The following NHEJ1 variants were observed in gnomAD, a reference collection of about 807,000 sequenced individuals.
The protein encoded by NHEJ1 is non-homologous end joining factor 1, also known as non-homologous end-joining factor 1.
In NHEJ1, 22 loss-of-function variants were observed where a neutral mutation model predicts 39.4. That is an observed-to-expected ratio of 0.56 (90% CI 0.40 to 0.80). NHEJ1 has a LOEUF of 0.80. Ranked by LOEUF, NHEJ1 falls within the 30% of genes least tolerant of loss-of-function variation. The pLI, the probability that NHEJ1 is intolerant of heterozygous loss-of-function variation, is 0.00. For synonymous variants in NHEJ1, 154 were observed against 135.6 expected, an observed-to-expected ratio of 1.14 and a Z score of -0.94; for missense variants, 329 against 357.1, an observed-to-expected ratio of 0.92 and a Z score of 0.63.
intron 5 of NHEJ1, among the ~76,000 whole-genome samples, chr2:219,099,938 C>T (rs1949240986): frequency 1.3e-5 from 2 of 152,036 alleles, no homozygotes. Flanking sequence ...GAAAAGAGGA[C>T]AGAATGGGGA....
chr2:219,109,239 G>T, intron 5 of NHEJ1, among the ~76,000 whole-genome samples: 1 of 151,356 alleles, frequency 6.6e-6, no homozygotes, highest in East Asian at 1.9e-4. Flanking sequence ...TAATATGCCA[G>T]GGATTCTGGT....
At chr2:219,087,526 A>C (rs75262546) in intron 5 of NHEJ1, among the ~76,000 whole-genome samples, 137 of 152,290 alleles carry the variant, frequency 9.0e-4, no homozygotes, top group South Asian at 3.9e-3. Context: ...CACGCTTGAC[A>C]GCTGGGAACA....
chr2:219,138,618 G>T (rs1949660836), intron 5 of NHEJ1, among the ~76,000 whole-genome samples: 1 of 152,220 alleles, frequency 6.6e-6, no homozygotes, highest in African/African-American at 2.4e-5. Context: ...CTTTGTCCTT[G>T]TTGAGCTTAC....
intron 5 of NHEJ1, among the ~76,000 whole-genome samples, chr2:219,114,799 T>A (rs376174076): frequency 6.6e-6 from 1 of 152,148 alleles, no homozygotes. Flanking sequence ...ATTTCAAGCA[T>A]GCTAGGAAGC....
intron 5 of NHEJ1, among the ~76,000 whole-genome samples, chr2:219,100,138 A>G (rs1949243183): frequency 6.6e-6 from 1 of 152,236 alleles, no homozygotes; most frequent in Non-Finnish European, 1.5e-5. Context: ...CACAATAGTC[A>G]GGAATCACTC....
chr2:219,112,398 C>T (rs530666417), intron 5 of NHEJ1, among the ~76,000 whole-genome samples: 3 of 152,104 alleles, frequency 2.0e-5, no homozygotes, highest in Non-Finnish European at 2.9e-5. Context: ...ATAAATATCA[C>T]GCATATATAA....
chr2:219,089,580 C>A (rs892474085), intron 5 of NHEJ1, among the ~76,000 whole-genome samples: 1 of 152,062 alleles, frequency 6.6e-6, no homozygotes, highest in African/African-American at 2.4e-5. Flanking sequence ...GGATAGGAGA[C>A]AGGGTGAATG....
Position 219,076,145 on chromosome 2 carries a change from C to T in NHEJ1, c.*236G>A, listed in dbSNP as rs1023757264. The T allele has an allele frequency of 1.3e-5, 11 of 851,688 alleles. No homozygotes were observed. The Admixed American group carries it at 1.7e-4, about 13-fold the overall frequency. The allele number at this position is 851,688 out of a possible 1,614,324, so 52.8% of individuals were successfully genotyped here. The stretch of plus-strand genomic sequence containing the variant: ...AGTCCATGGTAGAAACCTGAACCTA[C>T]AGAACCTCCACCAAAAGAGAGGAGA... On this transcript the variant is annotated 3_prime_UTR_variant, in exon 8 of 8. Coordinates refer to ENST00000356853, the MANE Select transcript of NHEJ1 (RefSeq NM_024782.3).
intron 5 of NHEJ1, among the ~76,000 whole-genome samples, chr2:219,079,097 G>A (rs2106320724): frequency 6.6e-6 from 1 of 152,328 alleles, no homozygotes; most frequent in South Asian, 2.1e-4. Flanking sequence ...TTGCCTAGTT[G>A]TAGTTTCATA....
rs758190569 is a variant in NHEJ1, at chr2:219,157,597, G to A, written c.265C>T (p.His89Tyr). The A allele has an allele frequency of 2.5e-6, 4 of 1,614,054 alleles. No individual in the cohort carries two copies. Among genetic ancestry groups the A allele is most frequent in the African/African-American group, 2.7e-5 (2 of 74,928 alleles). The change falls in exon 3 of 8, where the codon CAC becomes TAC. Residue 89 changes from histidine (H) to tyrosine (Y), a missense_variant. Coordinates refer to ENST00000356853, the MANE Select transcript of NHEJ1 (RefSeq NM_024782.3). ...CAGGAGAAGGTAGCTTCGCTAGGGT[G>A]AGCAGCGTCCTTCAACAATGGGCGA... ...LLRPLLKDAA[H>Y]PSEATFSCDC... is the part of the protein sequence containing the mutation.
chr2:219,075,312 A>T lies in NHEJ1; in HGVS notation c.*1069T>A, dbSNP rs916771053. 1.3e-5 allele frequency: 2 copies of T among 152,176 alleles called. No homozygotes were observed. The highest frequency in any genetic ancestry group is 4.8e-5 in the African/African-American group (2 of 41,434). 9.4% of individuals were successfully genotyped at this position (152,176 alleles called of 1,614,324 possible). ...ATACATTAACTGCTCAATAAATGTT[A>T]GCTATTTATTATTGTTGTTCTTATT... is the stretch of plus-strand genomic sequence containing the variant. On this transcript the variant is annotated 3_prime_UTR_variant, in exon 8 of 8. Transcript: ENST00000356853.
rs1399919533 is a variant in NHEJ1 at position 219,070,617 on chromosome 2, G to A, written c.*5764C>T. Among the ~76,000 whole-genome samples, 5 of 152,006 alleles carry A rather than the reference G, an allele frequency of 3.3e-5. No individual in the cohort carries two copies. In the South Asian group the frequency reaches 6.2e-4, roughly 19 times the overall value. On this transcript the variant is annotated 3_prime_UTR_variant, in exon 8 of 8. Transcript: ENST00000356853. Reference sequence around the variant, plus strand: ...CTCCCAAAGTGCTGGGATTACAGGCGTAAGCCATGGAGCCCAGTCTTAAAT... The same window carrying A: ...CTCCCAAAGTGCTGGGATTACAGGCATAAGCCATGGAGCCCAGTCTTAAAT...
At chr2:219,133,452 C>T (rs1391093439) in intron 5 of NHEJ1, among the ~76,000 whole-genome samples, 1 of 152,182 alleles carries the variant, frequency 6.6e-6, no homozygotes, top group Non-Finnish European at 1.5e-5. Flanking sequence ...CTACAAGGCC[C>T]TGAGATAGAG....
chr2:219,127,483 G>C (rs1949536675), intron 5 of NHEJ1, among the ~76,000 whole-genome samples: 1 of 152,122 alleles, frequency 6.6e-6, no homozygotes, highest in South Asian at 2.1e-4. Context: ...CCCCTCACCA[G>C]CAACCTCCAA....
intron 5 of NHEJ1, among the ~76,000 whole-genome samples, chr2:219,083,049 T>C (rs11690649): frequency 0.73 from 110,621 of 152,126 alleles, 40,672 homozygotes; most frequent in Non-Finnish European, 0.77. Flanking sequence ...CTTCAAGAAA[T>C]GTAACTCCCC....
intron 5 of NHEJ1, among the ~76,000 whole-genome samples, chr2:219,114,576 C>T (rs1574720466): frequency 6.6e-6 from 1 of 152,036 alleles, no homozygotes; most frequent in African/African-American, 2.4e-5. Context: ...AAATGGAAGC[C>T]AAGATCCCAG....
intron 5 of NHEJ1, among the ~76,000 whole-genome samples, chr2:219,087,272 T>A (rs1949120133): frequency 6.6e-6 from 1 of 152,086 alleles, no homozygotes; most frequent in African/African-American, 2.4e-5. Flanking sequence ...AACAAAAGCA[T>A]CAGATTTAAT....
At chr2:219,088,447 C>T (rs1385895738) in intron 5 of NHEJ1, among the ~76,000 whole-genome samples, 1 of 151,738 alleles carries the variant, frequency 6.6e-6, no homozygotes, top group East Asian at 1.9e-4. Flanking sequence ...GAGCTCTGAT[C>T]ATGCCACTGC....
chr2:219,088,590 C>G (rs1185248023), intron 5 of NHEJ1, among the ~76,000 whole-genome samples: 1 of 151,916 alleles, frequency 6.6e-6, no homozygotes, highest in Non-Finnish European at 1.5e-5. Context: ...CAAAAACAAG[C>G]AAAATTAATG....
Sources: gnomAD v4.1 joint callset for allele counts (sites outside exome capture counted in the v4.1 genomes callset) on GRCh38, gnomAD v4.1.1 for gene constraint, MANE v1.5 for transcripts, NCBI Gene and HGNC (gene_info 2026-07-23, HGNC 2026-07-21) for gene names.